Variants in STK3 observed in about 807,000 individuals in gnomAD.
STK3 encodes the protein serine/threonine kinase 3.
Under a neutral mutation model 58.0 loss-of-function variants are expected in STK3, and 41 were observed. The ratio of observed to expected loss-of-function variants is 0.71; its 90% CI spans 0.55 to 0.92. The LOEUF (loss-of-function observed/expected upper bound fraction) is 0.92, where lower values mean the gene tolerates loss of function less well. STK3 is among the 40% of genes least tolerant of loss of function. STK3 has a pLI of 0.00. For missense variants in STK3, 479 were observed against 602.7 expected (o/e 0.79, Z 2.15); for synonymous variants, 170 against 191.0 (o/e 0.89, Z 0.91).
chr8:98,437,051 C>G (rs4615538), intron 2 of STK3: 4,564 of 152,482 alleles, frequency 0.03, 107 homozygotes, highest in South Asian at 0.06. Context: ...GCAACCCCTC[C>G]ACTCCCCTCA....
chr8:98,759,697 C>T (rs1445514558), intron 3 of STK3, among the ~76,000 whole-genome samples: 2 of 151,862 alleles, frequency 1.3e-5, no homozygotes, highest in East Asian at 1.9e-4. Context: ...TAAGGTATAC[C>T]TGTATATAAA....
intron 6 of STK3, among the ~76,000 whole-genome samples, chr8:98,668,575 C>G (rs1376640160): frequency 1.3e-5 from 2 of 152,060 alleles, no homozygotes; most frequent in African/African-American, 2.4e-5. Flanking sequence ...CTTAAAGTTT[C>G]CATTAAATTG....
rs556372024 is a variant in STK3 at position 98,839,661 on chromosome 8, C to CA, written c.110+43985dup. On this transcript the variant is annotated intron_variant, in intron 3 of 12. Transcript: ENST00000523601. ...TTTGCTTAATAAAGTGATTATTTTACAAAAAATTATCCATGGAATACTTTT... is the reference window on the plus strand; with the variant it reads ...TTTGCTTAATAAAGTGATTATTTTACAAAAAAATTATCCATGGAATACTTTT... 9.9e-5 allele frequency among the ~76,000 whole-genome samples: 15 copies of CA among 152,114 alleles called. No homozygotes were observed. In the South Asian group the frequency reaches 2.9e-3, roughly 29 times the overall value.
intron 6 of STK3, chr8:98,633,511 A>G: frequency 1.5e-6 from 1 of 658,378 alleles, no homozygotes; most frequent in East Asian, 2.8e-5. Flanking sequence ...TGGCTTTGCC[A>G]GCTCAGGACT....
At chr8:98,715,164 A>G (rs915025572) in intron 4 of STK3, among the ~76,000 whole-genome samples, 4 of 152,232 alleles carry the variant, frequency 2.6e-5, no homozygotes, top group African/African-American at 9.6e-5. Flanking sequence ...TGTTAGACCT[A>G]AAACCAGAAA....
chr8:98,891,626 T>TGTGTGA (rs1554696692), intron 1 of STK3, among the ~76,000 whole-genome samples: 16 of 148,456 alleles, frequency 1.1e-4, no homozygotes, highest in Middle Eastern at 3.5e-3. Flanking sequence ...TGTGTGTGTG[T>TGTGTGA]GAGAGAGAGA....
chr8:98,766,215 A>T (rs6989238), intron 3 of STK3, among the ~76,000 whole-genome samples: 58 of 152,250 alleles, frequency 3.8e-4, no homozygotes, highest in African/African-American at 1.3e-3. Flanking sequence ...ATTTATTTAT[A>T]TATTTGTCTT....
chr8:98,478,873 T>A (rs1043431710), intron 10 of STK3, among the ~76,000 whole-genome samples: 4 of 152,196 alleles, frequency 2.6e-5, no homozygotes, highest in African/African-American at 9.7e-5. Context: ...GCTTTCTCTA[T>A]CTGCTCTTAT....
intron 1 of STK3, among the ~76,000 whole-genome samples, chr8:98,441,332 C>T (rs1038389034): frequency 2.6e-5 from 4 of 152,206 alleles, no homozygotes; most frequent in Non-Finnish European, 2.9e-5. Flanking sequence ...CAATATCACT[C>T]AGAGATATTT....
intron 10 of STK3, among the ~76,000 whole-genome samples, chr8:98,496,957 T>G (rs1823181705): frequency 6.6e-6 from 1 of 151,910 alleles, no homozygotes; most frequent in Non-Finnish European, 1.5e-5. Flanking sequence ...AATTTTATGG[T>G]TTTTTTTAAC....
chr8:98,404,504 C>A (rs531775218), intron 3 of STK3, among the ~76,000 whole-genome samples: 2 of 152,138 alleles, frequency 1.3e-5, no homozygotes, highest in African/African-American at 4.8e-5. Flanking sequence ...CATGGTGAAA[C>A]CCCGTCTCTA....
chr8:98,394,596 A>C (rs962448610), intron 3 of STK3, among the ~76,000 whole-genome samples: 2 of 152,264 alleles, frequency 1.3e-5, no homozygotes, highest in South Asian at 4.1e-4. Flanking sequence ...AATAGTGAAA[A>C]AAATATTGGT....
At chr8:98,575,381 A>C (rs1177508566) in intron 8 of STK3, among the ~76,000 whole-genome samples, 1 of 151,566 alleles carries the variant, frequency 6.6e-6, no homozygotes, top group African/African-American at 2.4e-5. Flanking sequence ...CATATACAAA[A>C]AATTAACCAT....
At chr8:98,550,405 T>C (rs1811064192) in intron 8 of STK3, among the ~76,000 whole-genome samples, 1 of 152,210 alleles carries the variant, frequency 6.6e-6, no homozygotes, top group South Asian at 2.1e-4. Flanking sequence ...TAAAGATGTC[T>C]AAAATTTGAC....
chr8:98,909,118 G>C (rs191196969), intron 1 of STK3, among the ~76,000 whole-genome samples: 1 of 152,080 alleles, frequency 6.6e-6, no homozygotes, highest in Non-Finnish European at 1.5e-5. Flanking sequence ...CTGAGATCAC[G>C]CCACTGCACT....
At chr8:98,421,543 G>A (rs1818173628) in intron 3 of STK3, among the ~76,000 whole-genome samples, 1 of 152,184 alleles carries the variant, frequency 6.6e-6, no homozygotes, top group Non-Finnish European at 1.5e-5. Context: ...GGAGGCTGAG[G>A]TAGGTGGATC....
At chr8:98,722,967 T>A (rs1239656671) in intron 4 of STK3, 1 of 445,534 alleles carries the variant, frequency 2.2e-6, no homozygotes, top group Non-Finnish European at 4.3e-6. Flanking sequence ...CTGTTAAGAA[T>A]CCCTTAAAAC....
At chr8:98,642,775 C>T (rs961158996) in intron 6 of STK3, among the ~76,000 whole-genome samples, 2 of 152,072 alleles carry the variant, frequency 1.3e-5, no homozygotes, top group African/African-American at 2.4e-5. Context: ...CATATGATTA[C>T]CTAGCCTGCT....
At chr8:98,864,197 CAAAA>C (rs35196007) in intron 3 of STK3, among the ~76,000 whole-genome samples, 85 of 37,438 alleles carry the variant, frequency 2.3e-3, no homozygotes, top group Admixed American at 0.022. Flanking sequence ...GACTCCTTCT[CAAAA>C]AAAAAAAAAA....
Sources: allele counts gnomAD v4.1 joint callset (sites outside exome capture counted in the v4.1 genomes callset), GRCh38; gene constraint gnomAD v4.1.1; transcripts MANE v1.5; gene names NCBI Gene and HGNC (gene_info 2026-07-23, HGNC 2026-07-21).